The following WWOX variants were observed in gnomAD, a reference collection of about 807,000 sequenced individuals.
The protein encoded by WWOX is WW domain-containing oxidoreductase.
Under a neutral mutation model 46.2 loss-of-function variants are expected in WWOX, and 69 were observed. The observed-to-expected ratio is 1.49, with a 90% CI of 1.23 to 1.82. The LOEUF is 1.82. Among genes scored for constraint, WWOX ranks in the 40% most tolerant of loss-of-function variants. The pLI, the probability that WWOX is intolerant of heterozygous loss-of-function variation, is 0.00. For missense variants in WWOX, 919 were observed against 542.6 expected (o/e 1.69, Z -6.89); for synonymous variants, 359 against 202.6 (o/e 1.77, Z -6.56).
chr16:78,812,472 G>A (rs1358508997), intron 8 of WWOX, among the ~76,000 whole-genome samples: 2 of 152,032 alleles, frequency 1.3e-5, no homozygotes, highest in African/African-American at 4.8e-5. Flanking sequence ...CTGTAATCCT[G>A]ACACTTTGGG....
intron 5 of WWOX, among the ~76,000 whole-genome samples, chr16:78,324,642 G>C (rs930917706): frequency 1.3e-5 from 2 of 152,108 alleles, no homozygotes; most frequent in Non-Finnish European, 2.9e-5. Context: ...TCTATAATGT[G>C]AGTGAACCTG....
At chr16:78,447,685 A>G (rs2083593792) in intron 8 of WWOX, among the ~76,000 whole-genome samples, 1 of 152,236 alleles carries the variant, frequency 6.6e-6, no homozygotes, top group East Asian at 1.9e-4. Context: ...ACCATGCAGG[A>G]TTCCATTTCA....
At chr16:78,724,516 C>A (rs745444240) in intron 8 of WWOX, among the ~76,000 whole-genome samples, 2 of 152,054 alleles carry the variant, frequency 1.3e-5, no homozygotes, top group African/African-American at 4.8e-5. Flanking sequence ...TATTATAGTT[C>A]TTTATCGACA....
At chr16:78,508,191 A>G (rs1005314551) in intron 8 of WWOX, among the ~76,000 whole-genome samples, 1 of 151,624 alleles carries the variant, frequency 6.6e-6, no homozygotes, top group Non-Finnish European at 1.5e-5. Context: ...GTATTTTTTT[A>G]GTAGAGACAG....
At chr16:78,996,288 A>G (rs2046986005) in intron 8 of WWOX, 1 of 984,940 alleles carries the variant, frequency 1.0e-6, no homozygotes, top group African/African-American at 1.8e-5. Flanking sequence ...TGCTCCCTGG[A>G]AGATGGATCT....
intron 8 of WWOX, among the ~76,000 whole-genome samples, chr16:78,874,328 C>T (rs1232067938): frequency 1.3e-5 from 2 of 151,268 alleles, no homozygotes; most frequent in Non-Finnish European, 2.9e-5. Flanking sequence ...GAATAGAGAG[C>T]TGCATCCTGA....
chr16:79,200,245 G>A (rs906594441), intron 8 of WWOX, among the ~76,000 whole-genome samples: 1 of 152,138 alleles, frequency 6.6e-6, no homozygotes, highest in Non-Finnish European at 1.5e-5. Context: ...GAGGAGAAAG[G>A]TCCCTGCTGG....
rs1032111309 is a variant in WWOX at position 79,091,403 on chromosome 16, C to T, written c.1057-120205C>T. On this transcript the variant is annotated intron_variant, in intron 8 of 8. Transcript: ENST00000566780. ...TCGTGAGCACAGATGAATTTGAAGG[C>T]TGCCAGGCAGTAGCAACATATACCA... Among the ~76,000 whole-genome samples the T allele has an allele frequency of 2.0e-5, 3 of 152,152 alleles. No homozygotes were observed. The East Asian group carries it at 5.8e-4, about 29-fold the overall frequency.
intron 8 of WWOX, among the ~76,000 whole-genome samples, chr16:78,507,172 A>G (rs908090250): frequency 3.3e-5 from 5 of 152,212 alleles, no homozygotes; most frequent in African/African-American, 4.8e-5. Flanking sequence ...TCAGGAGTCT[A>G]TTGAGGAGAC....
intron 8 of WWOX, among the ~76,000 whole-genome samples, chr16:78,843,694 G>A (rs1213238801): frequency 1.3e-5 from 2 of 152,326 alleles, no homozygotes; most frequent in East Asian, 1.9e-4. Flanking sequence ...CAGCATGGAT[G>A]CAAATAATGT....
At chr16:78,529,788 T>C (rs1007912947) in intron 8 of WWOX, among the ~76,000 whole-genome samples, 1 of 152,174 alleles carries the variant, frequency 6.6e-6, no homozygotes, top group Non-Finnish European at 1.5e-5. Flanking sequence ...TTAAAATGCA[T>C]ACTATTAAAT....
At chr16:78,586,351 C>G (rs1426289658) in intron 8 of WWOX, among the ~76,000 whole-genome samples, 1 of 152,094 alleles carries the variant, frequency 6.6e-6, no homozygotes, top group East Asian at 1.9e-4. Flanking sequence ...TCTAGGTAAC[C>G]TGAGGCTAGA....
At chr16:78,619,869 T>A (rs2046134622) in intron 8 of WWOX, among the ~76,000 whole-genome samples, 1 of 152,004 alleles carries the variant, frequency 6.6e-6, no homozygotes, top group Admixed American at 6.6e-5. Context: ...TTGTACTCCA[T>A]CTAGCCTGGG....
intron 8 of WWOX, among the ~76,000 whole-genome samples, chr16:79,001,584 C>G (rs2047093357): frequency 6.6e-6 from 1 of 152,044 alleles, no homozygotes; most frequent in African/African-American, 2.4e-5. Context: ...AAGTTTTGCC[C>G]CTTATACATT....
intron 8 of WWOX, among the ~76,000 whole-genome samples, chr16:78,433,056 T>C (rs1232100735): frequency 6.6e-6 from 1 of 152,188 alleles, no homozygotes; most frequent in Non-Finnish European, 1.5e-5. Flanking sequence ...GGGTTTTTTA[T>C]TCAGAAACTT....
At chr16:78,337,681 C>T (rs901147717) in intron 5 of WWOX, among the ~76,000 whole-genome samples, 1 of 152,086 alleles carries the variant, frequency 6.6e-6, no homozygotes, top group South Asian at 2.1e-4. Flanking sequence ...GTCCTCATTT[C>T]CCCAGCAAAG....
At chr16:79,100,459 A>G (rs2049168960) in intron 8 of WWOX, among the ~76,000 whole-genome samples, 1 of 152,140 alleles carries the variant, frequency 6.6e-6, no homozygotes, top group Admixed American at 6.5e-5. Flanking sequence ...ATAAACAGCA[A>G]ACGGGCCCAA....
chr16:78,668,005 G>A (rs1443367066), intron 8 of WWOX, among the ~76,000 whole-genome samples: 1 of 152,126 alleles, frequency 6.6e-6, no homozygotes, highest in Non-Finnish European at 1.5e-5. Context: ...TTGGCTGGGT[G>A]CGGTGGCTCA....
Position 79,194,830 on chromosome 16 carries a change from C to T in WWOX, c.1057-16778C>T, listed in dbSNP as rs561660919. Reference sequence around the variant, plus strand: ...TTTCTGGAGAGAGTGCATACAAAAACGCCTAACTGAATCTACCACGTCTAA... The same window carrying T: ...TTTCTGGAGAGAGTGCATACAAAAATGCCTAACTGAATCTACCACGTCTAA... On this transcript the variant is annotated intron_variant, in intron 8 of 8. Transcript: ENST00000566780. Among the ~76,000 whole-genome samples the T allele has an allele frequency of 3.5e-4, 54 of 152,238 alleles. 1 individual carries two copies. Among genetic ancestry groups the T allele is most frequent in the Middle Eastern group, 6.8e-3 (2 of 294 alleles).
Sources: allele counts gnomAD v4.1 joint callset (sites outside exome capture counted in the v4.1 genomes callset), GRCh38; gene constraint gnomAD v4.1.1; transcripts MANE v1.5; gene names NCBI Gene and HGNC (gene_info 2026-07-23, HGNC 2026-07-21).